Variants in MGAT4C observed in about 807,000 individuals in gnomAD.
MGAT4C encodes the protein alpha-1,3-mannosyl-glycoprotein 4-beta-N-acetylglucosaminyltransferase C.
MGAT4C carries 19 observed loss-of-function variants against 40.1 expected under a neutral mutation model. The observed-to-expected ratio is 0.47, with a 90% CI of 0.33 to 0.70. The LOEUF is 0.70. Ranked by LOEUF, MGAT4C falls within the 30% of genes least tolerant of loss-of-function variation. The pLI is 0.02. For synonymous variants in MGAT4C, 181 were observed against 187.1 expected, an observed-to-expected ratio of 0.97 and a Z score of 0.27; for missense variants, 491 against 563.2, an observed-to-expected ratio of 0.87 and a Z score of 1.30.
rs186601968 is a variant in MGAT4C, at chr12:86,367,846, A to C, written c.-119-33719T>G. Among the ~76,000 whole-genome samples the C allele has an allele frequency of 1.3e-3, 201 of 152,162 alleles. 2 individuals carry two copies. The East Asian group carries it at 0.018, about 13-fold the overall frequency. ...AACAAACAAAAAACAACAACAACAA[A>C]AAAAACAACTCTTAAACTCTTAGTC... On this transcript the variant is annotated intron_variant, in intron 3 of 7. Transcript: ENST00000548651.
chr12:86,568,992 C>A (rs547498615), intron 2 of MGAT4C, among the ~76,000 whole-genome samples: 49 of 151,574 alleles, frequency 3.2e-4, no homozygotes, highest in Non-Finnish European at 5.6e-4. Context: ...TAAAATAGCT[C>A]AAAAATATGT....
chr12:86,581,281 G>A (rs1311428685), intron 2 of MGAT4C, among the ~76,000 whole-genome samples: 2 of 151,432 alleles, frequency 1.3e-5, no homozygotes, highest in Non-Finnish European at 3.0e-5. Context: ...TGATAGTGGT[G>A]TCTTCCTTGT....
intron 1 of MGAT4C, among the ~76,000 whole-genome samples, chr12:86,123,150 A>G (rs866500256): frequency 2.0e-5 from 3 of 152,198 alleles, no homozygotes; most frequent in East Asian, 3.9e-4. Context: ...GCCACTCAAG[A>G]TTTCTTTGTG....
intron 1 of MGAT4C, among the ~76,000 whole-genome samples, chr12:86,124,225 T>G (rs181505328): frequency 2.5e-4 from 38 of 152,272 alleles, no homozygotes; most frequent in Admixed American, 6.5e-4. Context: ...AAAAACAGAT[T>G]TGCATTCTCC....
chr12:86,234,884 A>G (rs1263926352), intron 1 of MGAT4C, among the ~76,000 whole-genome samples: 2 of 152,024 alleles, frequency 1.3e-5, no homozygotes, highest in African/African-American at 4.8e-5. Flanking sequence ...CTGGTACTTC[A>G]TCTGACACCA....
chr12:86,671,928 G>A (rs549067363), intron 2 of MGAT4C, among the ~76,000 whole-genome samples: 1 of 152,158 alleles, frequency 6.6e-6, no homozygotes, highest in Admixed American at 6.5e-5. Context: ...AAATTAACTT[G>A]TATAAAAAAT....
intron 2 of MGAT4C, among the ~76,000 whole-genome samples, chr12:86,613,055 C>T (rs1962337856): frequency 6.6e-6 from 1 of 152,058 alleles, no homozygotes; most frequent in Admixed American, 6.6e-5. Context: ...GGATTAATTA[C>T]ATAATCTATT....
intron 1 of MGAT4C, among the ~76,000 whole-genome samples, chr12:86,148,874 A>G (rs931166080): frequency 6.6e-6 from 1 of 152,206 alleles, no homozygotes; most frequent in African/African-American, 2.4e-5. Context: ...CAGCTTGCAT[A>G]CAAATCATCT....
intron 2 of MGAT4C, among the ~76,000 whole-genome samples, chr12:86,564,746 C>A (rs545317175): frequency 6.6e-6 from 1 of 152,246 alleles, no homozygotes; most frequent in South Asian, 2.1e-4. Flanking sequence ...ATTTTGGAGG[C>A]AACACATGCC....
chr12:86,365,259 A>C (rs1015621909), intron 3 of MGAT4C, among the ~76,000 whole-genome samples: 9 of 152,186 alleles, frequency 5.9e-5, no homozygotes, highest in African/African-American at 2.2e-4. Context: ...CCGGCGGTCA[A>C]AGTTTAATGT....
At chr12:85,998,177 G>T (rs184889328) in intron 2 of MGAT4C, among the ~76,000 whole-genome samples, 158 of 152,292 alleles carry the variant, frequency 1.0e-3, no homozygotes, top group Middle Eastern at 3.4e-3. Flanking sequence ...CTCTATGTTG[G>T]TCCCTTTCAG....
At chr12:86,761,712 T>C (rs2136152947) in intron 1 of MGAT4C, among the ~76,000 whole-genome samples, 1 of 152,268 alleles carries the variant, frequency 6.6e-6, no homozygotes, top group South Asian at 2.1e-4. Context: ...CTGTATTCCT[T>C]GGCTTGTGGC....
intron 2 of MGAT4C, among the ~76,000 whole-genome samples, chr12:86,477,569 T>TA (rs907403189): frequency 2.6e-5 from 4 of 151,976 alleles, no homozygotes; most frequent in African/African-American, 4.8e-5. Flanking sequence ...AAAACGCAGA[T>TA]AAAAAAATGT....
intron 3 of MGAT4C, among the ~76,000 whole-genome samples, chr12:86,416,336 T>C (rs1956712886): frequency 6.6e-6 from 1 of 152,090 alleles, no homozygotes; most frequent in Non-Finnish European, 1.5e-5. Flanking sequence ...TAAATCAGTA[T>C]TTGATTTAAT....
chr12:86,748,713 A>T (rs1463895243), intron 1 of MGAT4C, among the ~76,000 whole-genome samples: 1 of 151,710 alleles, frequency 6.6e-6, no homozygotes, highest in Non-Finnish European at 1.5e-5. Flanking sequence ...TAGAGACTTT[A>T]ACTGTATAAG....
chr12:85,964,762 T>C lies in MGAT4C; in HGVS notation c.*14527A>G, dbSNP rs184321356. On this transcript the variant is annotated 3_prime_UTR_variant, in exon 5 of 5. Coordinates refer to ENST00000611864, the MANE Select transcript of MGAT4C (RefSeq NM_001351288.2). ...AAACATTATAGGAAGCATTTTTTTT[T>C]CCTACAGAGTCTGCCATATGGAGAA... 311 of 152,288 alleles carry C rather than the reference T, an allele frequency of 2.0e-3. 3 individuals carry two copies. Among genetic ancestry groups the C allele is most frequent in the African/African-American group, 6.4e-3 (264 of 41,566 alleles). 9.4% of individuals were successfully genotyped at this position (152,288 alleles called of 1,614,324 possible).
chr12:86,541,446 A>G (rs1311891764), intron 2 of MGAT4C, among the ~76,000 whole-genome samples: 1 of 152,188 alleles, frequency 6.6e-6, no homozygotes, highest in East Asian at 1.9e-4. Context: ...TAAAAGTTCA[A>G]AATGATTTCA....
chr12:86,407,818 C>T (rs78800910), intron 3 of MGAT4C, among the ~76,000 whole-genome samples: 4,506 of 152,032 alleles, frequency 0.03, 100 homozygotes, highest in Middle Eastern at 0.071. Context: ...CTTATGTCAG[C>T]CATAAGGTTT....
intron 3 of MGAT4C, among the ~76,000 whole-genome samples, chr12:86,338,712 C>A (rs1451712512): frequency 4.6e-5 from 7 of 152,008 alleles, no homozygotes; most frequent in Admixed American, 3.9e-4. Flanking sequence ...TTAATCCCAC[C>A]ACTTTGGGAG....
Sources: allele counts gnomAD v4.1 joint callset (sites outside exome capture counted in the v4.1 genomes callset), GRCh38; gene constraint gnomAD v4.1.1; transcripts MANE v1.5; gene names NCBI Gene and HGNC (gene_info 2026-07-23, HGNC 2026-07-21).